The following OSBPL11 variants were observed in gnomAD, a reference collection of about 807,000 sequenced individuals.
The protein encoded by OSBPL11 is oxysterol binding protein like 11.
A neutral mutation model predicts 84.4 loss-of-function variants in OSBPL11; 33 were observed. That is an observed-to-expected ratio of 0.39 (90% CI 0.30 to 0.52). The LOEUF (loss-of-function observed/expected upper bound fraction) is 0.52. Ranked by LOEUF, OSBPL11 falls within the 20% of genes least tolerant of loss-of-function variation. The pLI, the probability that OSBPL11 is intolerant of heterozygous loss-of-function variation, is 0.72. For missense variants in OSBPL11, 736 were observed against 901.1 expected, an observed-to-expected ratio of 0.82 and a Z score of 2.35; for synonymous variants, 276 against 310.2, an observed-to-expected ratio of 0.89 and a Z score of 1.16.
chr3:125,562,148 C>T (rs1341110254), intron 7 of OSBPL11, among the ~76,000 whole-genome samples: 1 of 152,126 alleles, frequency 6.6e-6, no homozygotes, highest in Non-Finnish European at 1.5e-5. Flanking sequence ...CTCAATATGT[C>T]TTCTTCCTTT....
chr3:125,582,835 T>A, intron 2 of OSBPL11, 75 bp downstream of exon 2: 1 of 1,094,324 alleles, frequency 9.1e-7, no homozygotes, highest in Non-Finnish European at 1.3e-6. Flanking sequence ...TAAAGTAATA[T>A]CAAAATATAA....
chr3:125,578,930 T>C, intron 4 of OSBPL11, 30 bp downstream of exon 4: 2 of 1,319,542 alleles, frequency 1.5e-6, no homozygotes, highest in Non-Finnish European at 1.0e-6. Flanking sequence ...CTCATTTTTG[T>C]ATATTAATAT....
chr3:125,567,666 T>C (rs1936180689), intron 5 of OSBPL11, 71 bp from the exon 6 acceptor site: 1 of 1,282,010 alleles, frequency 7.8e-7, no homozygotes, highest in African/African-American at 1.5e-5. Context: ...AGTTGCCATT[T>C]TAATTACCAG....
At position 125,595,324 on chromosome 3, in the gene OSBPL11, A is replaced by T. The variant is rs372841799; in HGVS notation, c.-524T>A. 2.6e-5 allele frequency among the ~76,000 whole-genome samples: 4 copies of T among 150,960 alleles called. No homozygotes were observed. In the East Asian group the frequency reaches 5.9e-4, roughly 22 times the overall value. ...GGGCCGGCGCGCGCAGCCGGGGAGG[A>T]GGGTCGGGGAATGAGGCCGCCGGGG... On this transcript the variant is annotated 5_prime_UTR_variant, in exon 1 of 13. Coordinates refer to ENST00000296220, the MANE Select transcript of OSBPL11 (RefSeq NM_022776.5).
Position 125,582,978 on chromosome 3 carries a change from A to C in OSBPL11, c.165T>G (p.Ser55Arg), listed in dbSNP as rs763879690. 3 of 1,577,706 alleles carry C rather than the reference A, an allele frequency of 1.9e-6. No homozygotes were observed. The highest frequency in any genetic ancestry group is 2.6e-6 in the Non-Finnish European group (3 of 1,169,924). ...AGCCATACACATTTTCCATGTGATC[A>C]CTATTTCAAAATGAAAAAGCCAAAG... The part of the protein sequence containing the change: ...RGGSAKGWQY[S>R]DHMENVYGYL... Residue 55 changes from serine (S) to arginine (R), a missense_variant and splice_region_variant, in exon 2 of 13, where the codon AGT becomes AGG. Transcript: ENST00000296220.
chr3:125,578,909 A>T (rs1936375789), intron 4 of OSBPL11, 51 bp downstream of exon 4: 3 of 1,212,284 alleles, frequency 2.5e-6, no homozygotes, highest in Non-Finnish European at 3.4e-6. Context: ...AAAAATAAAA[A>T]ATATTCCTTC....
intron 1 of OSBPL11, among the ~76,000 whole-genome samples, chr3:125,585,679 AAG>A (rs1427577072): frequency 6.6e-5 from 10 of 152,228 alleles, no homozygotes; most frequent in Non-Finnish European, 8.8e-5. Context: ...CCAGGTTACA[AAG>A]AACCAACTTG....
At chr3:125,552,139 GTGTATA>G (rs150910514) in intron 9 of OSBPL11, 36 bp downstream of exon 9, 49,899 of 1,001,246 alleles carry the variant, frequency 0.05, 1,703 homozygotes, top group African/African-American at 0.17. Context: ...ATATGTGTGT[GTGTATA>G]TATATATATA....
intron 4 of OSBPL11, among the ~76,000 whole-genome samples, chr3:125,577,907 TG>T (rs1294254352): frequency 6.6e-6 from 1 of 152,172 alleles, no homozygotes; most frequent in Non-Finnish European, 1.5e-5. Flanking sequence ...GTGGCCGCTT[TG>T]GAAAACAGTT....
At position 125,567,464 on chromosome 3, in the gene OSBPL11, G is replaced by A; in HGVS notation, c.798C>T (p.Asn266=). 1 of 1,614,118 alleles carries A rather than the reference G, an allele frequency of 6.2e-7. No individual in the cohort carries two copies. Among genetic ancestry groups the A allele is most frequent in the Non-Finnish European group, 8.5e-7 (1 of 1,179,976 alleles). The change falls in exon 6 of 13, where the codon AAC becomes AAT. Residue 266 remains asparagine, a synonymous_variant. Transcript: ENST00000296220. ...MLKATSMATM[N]CLNDCFHILQ... ...GAATATGAAAGCAGTCATTTAAGCA[G>A]TTCATAGTTGCCATGGAAGTAGCTT...
chr3:125,547,057 C>T (rs1639343860), intron 10 of OSBPL11, among the ~76,000 whole-genome samples: 1 of 152,150 alleles, frequency 6.6e-6, no homozygotes, highest in Non-Finnish European at 1.5e-5. Flanking sequence ...AGATATATTT[C>T]CACCCTAACT....
intron 1 of OSBPL11, among the ~76,000 whole-genome samples, chr3:125,593,334 T>G (rs1015454391): frequency 6.6e-6 from 1 of 152,146 alleles, no homozygotes; most frequent in African/African-American, 2.4e-5. Context: ...AAAAGTTATC[T>G]TCTGGCCAGG....
chr3:125,585,551 A>G (rs1216407958), intron 1 of OSBPL11, among the ~76,000 whole-genome samples: 1 of 152,088 alleles, frequency 6.6e-6, no homozygotes, highest in Non-Finnish European at 1.5e-5. Context: ...AAAAAAAAAC[A>G]AAACTATAAG....
chr3:125,576,381 A>G lies in OSBPL11; in HGVS notation c.490-16T>C, dbSNP rs766045579. ...GAGGATTATTCTGTTAGACAAAGAA[A>G]ATCATTCCTTTTGTTTTCTTCTTTA... On this transcript the variant is annotated splice_polypyrimidine_tract_variant and intron_variant, in intron 4 of 12. Transcript: ENST00000296220. The G allele has an allele frequency of 3.3e-6, 5 of 1,534,224 alleles. No individual in the cohort carries two copies. The South Asian group carries it at 6.4e-5, about 20-fold the overall frequency.
At chr3:125,563,218 T>C (rs866582392) in intron 7 of OSBPL11, among the ~76,000 whole-genome samples, 4 of 152,270 alleles carry the variant, frequency 2.6e-5, no homozygotes, top group Admixed American at 6.5e-5. Flanking sequence ...AAATGAATAA[T>C]AGTTTATAAA....
At position 125,552,241 on chromosome 3, in the gene OSBPL11, G is replaced by T. The variant is rs759788380; in HGVS notation, c.1594C>A (p.His532Asn). The T allele has an allele frequency of 1.9e-6, 3 of 1,613,744 alleles. No individual in the cohort carries two copies. In the Middle Eastern group the frequency reaches 4.9e-4, roughly 266 times the overall value. Reference sequence around the variant, plus strand: ...AAGAACTTGCTCTTAGTCCAGACATGCGCATTTACACACATCTTCCTCTCT... The same window carrying T: ...AAGAACTTGCTCTTAGTCCAGACATTCGCATTTACACACATCTTCCTCTCT... ...CTERKMCVNA[H>N]VWTKSKFLGM... Residue 532 changes from histidine (H) to asparagine (N), a missense_variant, in exon 9 of 13, where the codon CAT becomes AAT. Coordinates refer to ENST00000296220, the MANE Select transcript of OSBPL11 (RefSeq NM_022776.5).
intron 1 of OSBPL11, among the ~76,000 whole-genome samples, chr3:125,591,968 C>T (rs1006239890): frequency 6.6e-6 from 1 of 152,060 alleles, no homozygotes; most frequent in African/African-American, 2.4e-5. Context: ...AGACACCACA[C>T]TCAACCCTGG....
At chr3:125,558,681 T>C (rs1936029072) in intron 8 of OSBPL11, among the ~76,000 whole-genome samples, 1 of 152,234 alleles carries the variant, frequency 6.6e-6, no homozygotes, top group Non-Finnish European at 1.5e-5. Flanking sequence ...TTGACATATA[T>C]AGGTTTTGAA....
chr3:125,588,714 T>C (rs6790111), intron 1 of OSBPL11, among the ~76,000 whole-genome samples: 45,570 of 152,032 alleles, frequency 0.3, 7,097 homozygotes, highest in African/African-American at 0.37. Context: ...AGGAAAAGGC[T>C]AATGACATTA....
Sources: gnomAD v4.1 joint callset for allele counts (sites outside exome capture counted in the v4.1 genomes callset) on GRCh38, gnomAD v4.1.1 for gene constraint, MANE v1.5 for transcripts, NCBI Gene and HGNC (gene_info 2026-07-23, HGNC 2026-07-21) for gene names.